Variants in ADAMTSL3 observed in about 807,000 individuals in gnomAD.
ADAMTSL3 encodes the protein ADAMTS like 3, also known as ADAMTS-like protein 3.
In ADAMTSL3, 128 loss-of-function variants were observed where a neutral mutation model predicts 201.7. The ratio of observed to expected loss-of-function variants is 0.63; its 90% CI spans 0.55 to 0.73. ADAMTSL3 has a LOEUF of 0.73. Ranked by LOEUF, ADAMTSL3 falls within the 30% of genes least tolerant of loss-of-function variation. The pLI is 0.00. For missense variants in ADAMTSL3, 1,990 were observed against 2,119.6 expected, an observed-to-expected ratio of 0.94 and a Z score of 1.20; for synonymous variants, 738 against 748.4, an observed-to-expected ratio of 0.99 and a Z score of 0.23.
chr15:83,758,016 A>G (rs989879697), intron 3 of ADAMTSL3, among the ~76,000 whole-genome samples: 2 of 152,168 alleles, frequency 1.3e-5, no homozygotes, highest in Non-Finnish European at 2.9e-5. Context: ...AAGCCATTCA[A>G]CAAGTCTCTA....
chr15:83,774,861 T>G (rs1312353268), intron 4 of ADAMTSL3, among the ~76,000 whole-genome samples: 1 of 151,542 alleles, frequency 6.6e-6, no homozygotes, highest in Non-Finnish European at 1.5e-5. Context: ...CTTTTTTTTT[T>G]TTTTGGAGAT....
chr15:83,767,105 TAAAAG>T (rs1180596680), intron 3 of ADAMTSL3, among the ~76,000 whole-genome samples: 1 of 151,716 alleles, frequency 6.6e-6, no homozygotes, highest in African/African-American at 2.4e-5. Flanking sequence ...AAAAGAAAAA[TAAAAG>T]AAATTATCGA....
At chr15:83,809,099 A>T (rs1018151235) in intron 5 of ADAMTSL3, among the ~76,000 whole-genome samples, 5 of 152,104 alleles carry the variant, frequency 3.3e-5, no homozygotes, top group African/African-American at 1.2e-4. Context: ...AAACAGCAAG[A>T]CATTGTATAT....
chr15:83,731,277 T>C (rs1393863742), intron 3 of ADAMTSL3, among the ~76,000 whole-genome samples: 1 of 152,046 alleles, frequency 6.6e-6, no homozygotes, highest in Non-Finnish European at 1.5e-5. Context: ...AAAGAAGACA[T>C]ACAAGTGGCC....
chr15:83,851,644 A>T (rs1053746446), intron 7 of ADAMTSL3, among the ~76,000 whole-genome samples: 1 of 152,192 alleles, frequency 6.6e-6, no homozygotes, highest in African/African-American at 2.4e-5. Context: ...AAAATCCAGA[A>T]TATCCAGGCA....
chr15:83,958,023 A>G lies in ADAMTSL3; in HGVS notation c.2491-12461A>G, dbSNP rs181553539. On this transcript the variant is annotated intron_variant, in intron 19 of 29. Coordinates refer to ENST00000286744, the MANE Select transcript of ADAMTSL3 (RefSeq NM_207517.3). ...AGGAATGCAGAAGGAAAGGAAAAAC[A>G]ACAGAGGTAATTTTAACAAAAGTAA... Among the ~76,000 whole-genome samples the G allele has an allele frequency of 3.3e-5, 5 of 152,352 alleles. No individual in the cohort carries two copies. In the East Asian group the frequency reaches 9.6e-4, roughly 29 times the overall value.
chr15:83,969,008 T>G (rs1215642339), intron 19 of ADAMTSL3, among the ~76,000 whole-genome samples: 2 of 150,338 alleles, frequency 1.3e-5, no homozygotes, highest in South Asian at 2.1e-4. Context: ...TGTCAGGGGG[T>G]GGGGGGCTAG....
chr15:84,018,799 G>A (rs1323273931), intron 25 of ADAMTSL3, among the ~76,000 whole-genome samples: 1 of 152,106 alleles, frequency 6.6e-6, no homozygotes, highest in Non-Finnish European at 1.5e-5. Flanking sequence ...GGAGGTCATT[G>A]AGGAGTCTTA....
intron 9 of ADAMTSL3, among the ~76,000 whole-genome samples, chr15:83,874,149 C>A (rs1272913529): frequency 7.0e-6 from 1 of 142,444 alleles, no homozygotes; most frequent in Non-Finnish European, 1.5e-5. Flanking sequence ...AGCCTTCTCC[C>A]TCTCCTGGCG....
At chr15:83,786,555 A>C (rs1274616042) in intron 4 of ADAMTSL3, among the ~76,000 whole-genome samples, 1 of 152,082 alleles carries the variant, frequency 6.6e-6, no homozygotes, top group Non-Finnish European at 1.5e-5. Flanking sequence ...TATTCATTCT[A>C]TTGAACTATG....
At chr15:83,981,357 C>T (rs1306091849) in intron 20 of ADAMTSL3, among the ~76,000 whole-genome samples, 1 of 152,234 alleles carries the variant, frequency 6.6e-6, no homozygotes, top group African/African-American at 2.4e-5. Flanking sequence ...CATCTCTGTT[C>T]CCTCTTAGTC....
chr15:83,986,404 T>C (rs1437506020), intron 21 of ADAMTSL3, among the ~76,000 whole-genome samples: 1 of 152,184 alleles, frequency 6.6e-6, no homozygotes, highest in African/African-American at 2.4e-5. Context: ...CTGAGACCCC[T>C]GGAGCTTGTA....
At chr15:84,033,686 A>C (rs746416271) in intron 28 of ADAMTSL3, among the ~76,000 whole-genome samples, 3 of 152,070 alleles carry the variant, frequency 2.0e-5, no homozygotes, top group Non-Finnish European at 2.9e-5. Flanking sequence ...AACAAACAAA[A>C]AAACGTGCTC....
intron 7 of ADAMTSL3, among the ~76,000 whole-genome samples, chr15:83,858,181 T>C (rs1031527432): frequency 1.3e-4 from 20 of 152,216 alleles, no homozygotes; most frequent in African/African-American, 4.6e-4. Flanking sequence ...TGAAGAGATG[T>C]GGCTAGATTT....
intron 2 of ADAMTSL3, among the ~76,000 whole-genome samples, chr15:83,690,368 C>T (rs183960969): frequency 1.5e-4 from 23 of 152,268 alleles, no homozygotes; most frequent in Admixed American, 1.3e-3. Context: ...ACTTCCCCCA[C>T]ATTCTGAAAT....
chr15:83,769,752 C>G (rs920855962), intron 3 of ADAMTSL3, among the ~76,000 whole-genome samples: 7 of 151,764 alleles, frequency 4.6e-5, no homozygotes, highest in African/African-American at 4.8e-5. Context: ...TTTTGAAGGT[C>G]CTTTCCACAG....
At chr15:83,731,194 A>G (rs1362551291) in intron 3 of ADAMTSL3, among the ~76,000 whole-genome samples, 1 of 152,080 alleles carries the variant, frequency 6.6e-6, no homozygotes, top group Non-Finnish European at 1.5e-5. Context: ...TACAATTTGA[A>G]ATCGGGAAGT....
At chr15:83,692,097 CCTT>C (rs774524688) in intron 2 of ADAMTSL3, among the ~76,000 whole-genome samples, 4 of 151,888 alleles carry the variant, frequency 2.6e-5, no homozygotes, top group Admixed American at 6.6e-5. Flanking sequence ...CTGTAGTTTG[CCTT>C]CTTCTTTTTT....
intron 19 of ADAMTSL3, among the ~76,000 whole-genome samples, chr15:83,945,057 A>G (rs553763662): frequency 4.5e-4 from 69 of 152,304 alleles, no homozygotes; most frequent in Non-Finnish European, 6.8e-4. Context: ...ATTATCCTCA[A>G]TCAAGGCCAC....
Sources: gnomAD v4.1 joint callset for allele counts (sites outside exome capture counted in the v4.1 genomes callset) on GRCh38, gnomAD v4.1.1 for gene constraint, MANE v1.5 for transcripts, NCBI Gene and HGNC (gene_info 2026-07-23, HGNC 2026-07-21) for gene names.